Variants in GLMN observed in about 807,000 individuals in gnomAD.
GLMN encodes the protein glomulin, FKBP associated protein, also known as glomulin.
In GLMN, 75 loss-of-function variants were observed where a neutral mutation model predicts 87.8. The observed-to-expected ratio is 0.85, with a 90% CI of 0.71 to 1.04. The LOEUF (loss-of-function observed/expected upper bound fraction) is 1.04. Ranked by LOEUF, GLMN falls within the 50% of genes least tolerant of loss-of-function variation. GLMN has a pLI of 0.00. For missense variants in GLMN, 588 were observed against 658.8 expected (o/e 0.89, Z 1.18); for synonymous variants, 206 against 221.6 (o/e 0.93, Z 0.63).
intron 7 of GLMN, among the ~76,000 whole-genome samples, chr1:92,283,038 T>G (rs1444092121): frequency 6.6e-6 from 1 of 152,172 alleles, no homozygotes; most frequent in Non-Finnish European, 1.5e-5. Context: ...AGCCGAATTC[T>G]ACCAGAGGTA....
intron 14 of GLMN, 119 bp from the exon 15 acceptor site, chr1:92,263,851 A>C: frequency 1.4e-6 from 1 of 717,076 alleles, no homozygotes; most frequent in South Asian, 1.5e-5. Context: ...TTTTAACTTT[A>C]ATTTCCGTAC....
chr1:92,318,597 C>T, the GLMN span, among the ~76,000 whole-genome samples: 1 of 152,190 alleles, frequency 6.6e-6, no homozygotes, highest in South Asian at 2.1e-4. Context: ...CAATTGGAGG[C>T]ATCCAGCAGA....
chr1:92,284,135 G>T (rs1253244025), intron 7 of GLMN, among the ~76,000 whole-genome samples: 1 of 152,078 alleles, frequency 6.6e-6, no homozygotes, highest in African/African-American at 2.4e-5. Flanking sequence ...AAGTTGATAT[G>T]GAACCAAAAA....
chr1:92,330,439 A>ATTT, the GLMN span, among the ~76,000 whole-genome samples: 66 of 61,466 alleles, frequency 1.1e-3, 9 homozygotes, highest in African/African-American at 3.0e-3. Flanking sequence ...TGGGTTGTCA[A>ATTT]TTTTTTTTTT....
chr1:92,331,887 TATTTTTCTATATTG>T, the GLMN span, among the ~76,000 whole-genome samples: 2 of 152,192 alleles, frequency 1.3e-5, no homozygotes, highest in Non-Finnish European at 2.9e-5. Flanking sequence ...TTTTGAAAGA[TATTTTTCTATATTG>T]AATTTTAGAT....
the GLMN span, among the ~76,000 whole-genome samples, chr1:92,329,019 C>T: frequency 1.3e-5 from 2 of 152,220 alleles, no homozygotes; most frequent in Non-Finnish European, 2.9e-5. Context: ...TGGATACCAG[C>T]ACCTGCTCCA....
intron 4 of GLMN, 97 bp from the exon 5 acceptor site, chr1:92,290,403 T>C (rs536533414): frequency 3.1e-5 from 23 of 739,934 alleles, no homozygotes; most frequent in African/African-American, 2.5e-4. Context: ...CAAAATATTA[T>C]ACAATTATGT....
At chr1:92,369,268 A>G in the GLMN span, among the ~76,000 whole-genome samples, 7 of 152,074 alleles carry the variant, frequency 4.6e-5, no homozygotes, top group Admixed American at 1.3e-4. Context: ...CCACCATGTT[A>G]TTATGGGGTT....
At chr1:92,350,313 A>G in the GLMN span, among the ~76,000 whole-genome samples, 1 of 152,220 alleles carries the variant, frequency 6.6e-6, no homozygotes, top group East Asian at 1.9e-4. Flanking sequence ...TGTTACAATT[A>G]AAGACTCTCA....
chr1:92,329,666 C>T, the GLMN span, among the ~76,000 whole-genome samples: 1 of 152,180 alleles, frequency 6.6e-6, no homozygotes. Context: ...TTAGTCCTGC[C>T]TCCTATCTGC....
the GLMN span, among the ~76,000 whole-genome samples, chr1:92,332,445 A>G: frequency 6.6e-6 from 1 of 152,134 alleles, no homozygotes; most frequent in Non-Finnish European, 1.5e-5. Context: ...TGATCTCTGT[A>G]GGCTGTTTCA....
At chr1:92,260,027 G>A (rs531022298) in intron 16 of GLMN, among the ~76,000 whole-genome samples, 15 of 151,998 alleles carry the variant, frequency 9.9e-5, no homozygotes, top group South Asian at 2.1e-4. Flanking sequence ...GAGCCACCAC[G>A]CCCAGCCCAT....
At chr1:92,344,381 G>A in the GLMN span, among the ~76,000 whole-genome samples, 3 of 152,034 alleles carry the variant, frequency 2.0e-5, no homozygotes, top group African/African-American at 7.3e-5. Context: ...CTCCAGCCTG[G>A]GTGACAGAGC....
rs1652921747 is a variant in GLMN at position 92,248,005 on chromosome 1, G to C, written c.1474-16C>G. ...ATAATCCAGTCTGTTAAGAATGAAA[G>C]AATGAGTTATTTAGTTCAACAATGA... On this transcript the variant is annotated splice_polypyrimidine_tract_variant and intron_variant, in intron 16 of 18. Coordinates refer to ENST00000370360, the MANE Select transcript of GLMN (RefSeq NM_053274.3). 1 of 986,040 alleles carries C rather than the reference G, an allele frequency of 1.0e-6. No individual in the cohort carries two copies. The highest frequency in any genetic ancestry group is 1.3e-5 in the South Asian group (1 of 78,334). 61.1% of individuals were successfully genotyped at this position (986,040 alleles called of 1,614,324 possible).
the GLMN span, among the ~76,000 whole-genome samples, chr1:92,367,542 T>G: frequency 6.6e-6 from 1 of 152,192 alleles, no homozygotes; most frequent in African/African-American, 2.4e-5. Context: ...TTTAAAAAAA[T>G]TTTCTTTTCA....
the GLMN span, among the ~76,000 whole-genome samples, chr1:92,338,252 T>G: frequency 6.6e-6 from 1 of 152,284 alleles, no homozygotes; most frequent in African/African-American, 2.4e-5. Context: ...CCTCATTAGG[T>G]GTCATGAAAA....
At position 92,290,273 on chromosome 1, in the gene GLMN, G is replaced by A; in HGVS notation, c.319C>T (p.Leu107Phe). The A allele has an allele frequency of 6.2e-7, 1 of 1,606,220 alleles. No homozygotes were observed. The highest frequency in any genetic ancestry group is 8.5e-7 in the Non-Finnish European group (1 of 1,173,138). Residue 107 changes from leucine (L) to phenylalanine (F), a missense_variant, in exon 5 of 19, where the codon CTT (leucine) becomes TTT (phenylalanine). Coordinates refer to ENST00000370360, the MANE Select transcript of GLMN (RefSeq NM_053274.3). Reference protein sequence around the residue: ...CNPKELLLGLLELIEEPSGKQ... With the variant: ...CNPKELLLGLFELIEEPSGKQ... ...CCAGAGGGCTCTTCAATCAGTTCAAGCAAACCCAACAATAATTCCTTTGGA... is the reference window on the plus strand; with the variant it reads ...CCAGAGGGCTCTTCAATCAGTTCAAACAAACCCAACAATAATTCCTTTGGA...
At chr1:92,357,165 A>T in the GLMN span, among the ~76,000 whole-genome samples, 1 of 152,230 alleles carries the variant, frequency 6.6e-6, no homozygotes, top group African/African-American at 2.4e-5. Context: ...ACTGTGTCTT[A>T]GACCCTGTAG....
At chr1:92,247,854 A>G (rs1258031975) in intron 17 of GLMN, 24 bp downstream of exon 17, 1 of 878,574 alleles carries the variant, frequency 1.1e-6, no homozygotes, top group Admixed American at 1.7e-5. Flanking sequence ...GACCTAATTG[A>G]AAACAAAATT....
Sources: gnomAD v4.1 joint callset for allele counts (sites outside exome capture counted in the v4.1 genomes callset) on GRCh38, gnomAD v4.1.1 for gene constraint, MANE v1.5 for transcripts, NCBI Gene and HGNC (gene_info 2026-07-23, HGNC 2026-07-21) for gene names.